Variants in LRSAM1 observed in about 807,000 individuals in gnomAD.
The protein encoded by LRSAM1 is leucine rich repeat and sterile alpha motif containing 1, also known as E3 ubiquitin-protein ligase LRSAM1.
In LRSAM1, 96 loss-of-function variants were observed where a neutral mutation model predicts 118.1. That is an observed-to-expected ratio of 0.81 (90% CI 0.69 to 0.96). The LOEUF is 0.96. LRSAM1 is among the 40% of genes least tolerant of loss of function. The pLI is 0.00. For synonymous variants in LRSAM1, 322 were observed against 364.2 expected (o/e 0.88, Z 1.32); for missense variants, 804 against 915.5 (o/e 0.88, Z 1.57).
At chr9:127,471,452 CAGAG>C (rs1301824737) in intron 10 of LRSAM1, among the ~76,000 whole-genome samples, 1 of 110,920 alleles carries the variant, frequency 9.0e-6, no homozygotes, top group African/African-American at 3.5e-5. Flanking sequence ...GCCTGGGTGA[CAGAG>C]AGAGACCTTA....
At chr9:127,485,444 C>T (rs1414053751) in intron 16 of LRSAM1, among the ~76,000 whole-genome samples, 1 of 152,064 alleles carries the variant, frequency 6.6e-6, no homozygotes, top group Non-Finnish European at 1.5e-5. Context: ...GTAGTCCCAG[C>T]TACTCGGGAG....
chr9:127,462,396 C>T (rs1834783354), intron 9 of LRSAM1, 23 bp downstream of exon 9: 2 of 1,613,528 alleles, frequency 1.2e-6, no homozygotes, highest in Non-Finnish European at 1.7e-6. Context: ...CTGTTCTTGC[C>T]TGGGGTGCTC....
intron 10 of LRSAM1, among the ~76,000 whole-genome samples, 196 bp downstream of exon 10, chr9:127,468,026 A>G (rs1264424258): frequency 6.6e-6 from 1 of 152,190 alleles, no homozygotes; most frequent in East Asian, 1.9e-4. Flanking sequence ...TGGTTATGGG[A>G]GTGCAGTGGT....
chr9:127,461,871 A>G (rs767975258), intron 8 of LRSAM1, among the ~76,000 whole-genome samples: 1 of 152,196 alleles, frequency 6.6e-6, no homozygotes, highest in Non-Finnish European at 1.5e-5. Context: ...ATCAACTGTA[A>G]CATATGAGTA....
chr9:127,493,267 G>T (rs1836001253), intron 21 of LRSAM1, among the ~76,000 whole-genome samples: 1 of 152,078 alleles, frequency 6.6e-6, no homozygotes, highest in South Asian at 2.1e-4. Context: ...TCGCTATGTT[G>T]CCCAGGCTGG....
In LRSAM1 at chr9:127,462,287, G is replaced by A. The variant is rs1834777396; in HGVS notation, c.442G>A (p.Glu148Lys). The A allele has an allele frequency of 6.2e-7, 1 of 1,613,982 alleles. No individual in the cohort carries two copies. The highest frequency in any genetic ancestry group is 1.3e-5 in the African/African-American group (1 of 74,898). The change falls in exon 9 of 26, where the codon GAG (glutamate) becomes AAG (lysine). Residue 148 changes from glutamate (E) to lysine (K), a missense_variant. Coordinates refer to ENST00000300417, the MANE Select transcript of LRSAM1 (RefSeq NM_001005373.4). Reference sequence around the variant, plus strand: ...GAAGGAGCTTCCAGACACCGTGGGGGAGCTTCGAAGCCTGCGTACCCTCAA... The same window carrying A: ...GAAGGAGCTTCCAGACACCGTGGGGAAGCTTCGAAGCCTGCGTACCCTCAA... ...KLKELPDTVGELRSLRTLNIS... is the reference protein window; with the variant it reads ...KLKELPDTVGKLRSLRTLNIS...
At chr9:127,463,567 T>G (rs1378167104) in intron 9 of LRSAM1, among the ~76,000 whole-genome samples, 1 of 152,110 alleles carries the variant, frequency 6.6e-6, no homozygotes, top group Non-Finnish European at 1.5e-5. Context: ...CCAAATTCCC[T>G]CCTCTTAGAA....
At position 127,457,423 on chromosome 9, in the gene LRSAM1, G is replaced by T. The variant is rs750961361; in HGVS notation, c.252+30G>T. ...TGGGCCCTCCTCCCAGGCAGCTGGG[G>T]CTCTGCATGGGGTTCCACGCGGCAG... is the stretch of plus-strand genomic sequence containing the variant. On this transcript the variant is annotated intron_variant, in intron 6 of 25. Coordinates refer to ENST00000300417, the MANE Select transcript of LRSAM1 (RefSeq NM_001005373.4). 3.1e-6 allele frequency: 5 copies of T among 1,607,880 alleles called. No homozygotes were observed. In the South Asian group the frequency reaches 5.5e-5, roughly 18 times the overall value.
At chr9:127,497,143 C>A in intron 23 of LRSAM1, 110 bp from the exon 24 acceptor site, 1 of 1,108,978 alleles carries the variant, frequency 9.0e-7, no homozygotes, top group Non-Finnish European at 1.3e-6. Context: ...TTCCACATTT[C>A]CAGCAGGAGG....
Position 127,489,444 on chromosome 9 carries a change from A to G in LRSAM1, c.1348A>G (p.Ser450Gly). 1 of 1,606,264 alleles carries G rather than the reference A, an allele frequency of 6.2e-7. No individual in the cohort carries two copies. Among genetic ancestry groups the G allele is most frequent in the Non-Finnish European group, 8.5e-7 (1 of 1,177,236 alleles). Residue 450 changes from serine to glycine, a missense_variant and splice_region_variant, in exon 19 of 26, where the codon AGC (serine) becomes GGC (glycine). Ser to Gly is a moderately conservative substitution (Grantham distance 56, BLOSUM62 0). Transcript: ENST00000300417. ...NKAISQILQE[S>G]AMQKAAFEAL... ...TGAGGGCTGGTGGTCTGTGTTGCAGAGCGCGATGCAGAAGGCTGCGTTCGA... is the reference window on the plus strand; with the variant it reads ...TGAGGGCTGGTGGTCTGTGTTGCAGGGCGCGATGCAGAAGGCTGCGTTCGA...
At chr9:127,484,774 T>C (rs1484268163) in intron 16 of LRSAM1, among the ~76,000 whole-genome samples, 1 of 151,788 alleles carries the variant, frequency 6.6e-6, no homozygotes, top group African/African-American at 2.4e-5. Flanking sequence ...TAGTTCCTTC[T>C]TTCAATTATT....
chr9:127,497,371 C>T (rs775655255), intron 24 of LRSAM1, 37 bp downstream of exon 24: 1 of 1,591,514 alleles, frequency 6.3e-7, no homozygotes, highest in Non-Finnish European at 8.6e-7. Context: ...AGGCAGGGCT[C>T]CAGCCGTATG....
At chr9:127,499,088 T>C (rs1588140795) in intron 24 of LRSAM1, among the ~76,000 whole-genome samples, 1 of 149,510 alleles carries the variant, frequency 6.7e-6, no homozygotes, top group South Asian at 2.1e-4. Flanking sequence ...AAAACAAATA[T>C]AGAAGCTGGG....
chr9:127,481,131 A>G, intron 14 of LRSAM1, 52 bp from the exon 15 acceptor site: 6 of 1,604,180 alleles, frequency 3.7e-6, no homozygotes, highest in Non-Finnish European at 4.3e-6. Context: ...GCAGTGAGAC[A>G]GGAAACAGGC....
chr9:127,479,448 C>A lies in LRSAM1; in HGVS notation c.846C>A (p.Thr282=). The A allele has an allele frequency of 6.2e-7, 1 of 1,614,034 alleles. No homozygotes were observed. The highest frequency in any genetic ancestry group is 1.3e-5 in the African/African-American group (1 of 75,040). The change falls in exon 13 of 26, where the codon ACC becomes ACA. Residue 282 remains threonine, a synonymous_variant. Transcript: ENST00000300417. The stretch of plus-strand genomic sequence containing the variant: ...TGGAACTGGGGCAGCGGGAGCACAC[C>A]CAGCTCCTTCAGCAGAGCAGCAGCC... ...RRLELGQREH[T]QLLQQSSSQK... is the part of the protein sequence containing the mutation.
At position 127,467,756 on chromosome 9, in the gene LRSAM1, C is replaced by T. The variant is rs756557431; in HGVS notation, c.545C>T (p.Ala182Val). 6.8e-5 allele frequency: 109 copies of T among 1,610,418 alleles called. No individual in the cohort carries two copies. Among genetic ancestry groups the T allele is most frequent in the Non-Finnish European group, 1.7e-6 (2 of 1,178,908 alleles). ...TGTCTGCAGATGCTGAGCCTTGACG[C>T]CTCGGCCATGGTCTACCCGCCGCGG... ...VRTLEMLSLD[A>V]SAMVYPPREV... The change falls in exon 10 of 26, where the codon GCC (alanine) becomes GTC (valine). Residue 182 changes from alanine (A) to valine (V), a missense_variant. Ala to Val is a moderately conservative substitution (Grantham distance 64). Transcript: ENST00000300417.
intron 7 of LRSAM1, among the ~76,000 whole-genome samples, chr9:127,459,553 G>A (rs1325949940): frequency 1.3e-5 from 2 of 150,488 alleles, no homozygotes; most frequent in Non-Finnish European, 3.0e-5. Flanking sequence ...AAATACCTTG[G>A]TGTAGGACTT....
At chr9:127,461,770 G>A (rs540682833) in intron 8 of LRSAM1, among the ~76,000 whole-genome samples, 1 of 152,324 alleles carries the variant, frequency 6.6e-6, no homozygotes, top group African/African-American at 2.4e-5. Context: ...CTGCACAGGC[G>A]CCTTACCCGC....
At chr9:127,486,090 G>T (rs1835719097) in intron 17 of LRSAM1, among the ~76,000 whole-genome samples, 1 of 152,248 alleles carries the variant, frequency 6.6e-6, no homozygotes, top group Non-Finnish European at 1.5e-5. Context: ...ACTCGGCTAA[G>T]CGATGAACCA....
Sources: gnomAD v4.1 joint callset for allele counts (sites outside exome capture counted in the v4.1 genomes callset) on GRCh38, gnomAD v4.1.1 for gene constraint, MANE v1.5 for transcripts, NCBI Gene and HGNC (gene_info 2026-07-23, HGNC 2026-07-21) for gene names.